Variants in CLSTN2 observed in about 807,000 individuals in gnomAD.
CLSTN2 encodes the protein calsyntenin 2, also known as calsyntenin-2.
CLSTN2 carries 48 observed loss-of-function variants against 101.2 expected under a neutral mutation model. The ratio of observed to expected loss-of-function variants is 0.47; its 90% CI spans 0.38 to 0.60. The LOEUF (loss-of-function observed/expected upper bound fraction) is 0.60. CLSTN2 is among the 20% of genes least tolerant of loss of function. The pLI is 0.00. For synonymous variants in CLSTN2, 481 were observed against 463.6 expected (o/e 1.04, Z -0.48); for missense variants, 1,160 against 1,238.2 (o/e 0.94, Z 0.95).
chr3:140,558,510 A>AT, intron 11 of CLSTN2, 130 bp from the exon 12 acceptor site: 1 of 641,124 alleles, frequency 1.6e-6, no homozygotes. Flanking sequence ...GTCTGTTGAC[A>AT]TCCTCAGAGA....
chr3:140,392,215 T>G (rs1460439885), intron 2 of CLSTN2, among the ~76,000 whole-genome samples: 1 of 150,772 alleles, frequency 6.6e-6, no homozygotes, highest in Non-Finnish European at 1.5e-5. Context: ...AGTAGCCACA[T>G]TTAAAAAAAA....
At chr3:140,370,598 C>A (rs2087841742) in intron 2 of CLSTN2, among the ~76,000 whole-genome samples, 1 of 152,046 alleles carries the variant, frequency 6.6e-6, no homozygotes, top group Non-Finnish European at 1.5e-5. Flanking sequence ...AGGAGATGAC[C>A]CCAGCACAAC....
chr3:140,324,255 A>G (rs995862108), intron 2 of CLSTN2, among the ~76,000 whole-genome samples: 1 of 152,244 alleles, frequency 6.6e-6, no homozygotes, highest in African/African-American at 2.4e-5. Flanking sequence ...AAAGCTGTCC[A>G]CTGTGGTCTA....
chr3:140,475,224 C>A (rs533421937), intron 8 of CLSTN2, among the ~76,000 whole-genome samples: 170 of 152,196 alleles, frequency 1.1e-3, no homozygotes, highest in African/African-American at 3.9e-3. Context: ...CACCAAGAGA[C>A]CACAGTGAAG....
chr3:140,541,089 C>T (rs1935466698), intron 9 of CLSTN2, among the ~76,000 whole-genome samples: 1 of 152,152 alleles, frequency 6.6e-6, no homozygotes, highest in Non-Finnish European at 1.5e-5. Flanking sequence ...TCAGTCCCAA[C>T]CCATCCCCCT....
At chr3:140,110,960 A>G (rs986811860) in intron 1 of CLSTN2, among the ~76,000 whole-genome samples, 2 of 152,212 alleles carry the variant, frequency 1.3e-5, no homozygotes, top group South Asian at 4.1e-4. Flanking sequence ...AACACAATCC[A>G]GATTGTAGCT....
chr3:140,347,734 C>A (rs564478764), intron 2 of CLSTN2, among the ~76,000 whole-genome samples: 1 of 152,182 alleles, frequency 6.6e-6, no homozygotes, highest in African/African-American at 2.4e-5. Context: ...CATCATAGAT[C>A]TACTACATAT....
At chr3:140,258,667 C>G (rs1038053524) in intron 2 of CLSTN2, among the ~76,000 whole-genome samples, 2 of 152,200 alleles carry the variant, frequency 1.3e-5, no homozygotes, top group South Asian at 2.1e-4. Context: ...CTTTTCCCCC[C>G]TCTTTTAATG....
chr3:140,536,888 T>TGGGAC (rs981944413), intron 9 of CLSTN2, among the ~76,000 whole-genome samples: 6 of 152,296 alleles, frequency 3.9e-5, no homozygotes, highest in Non-Finnish European at 8.8e-5. Flanking sequence ...GACCAAACCC[T>TGGGAC]GGGACACCAC....
chr3:140,340,251 G>A (rs766074190), intron 2 of CLSTN2, among the ~76,000 whole-genome samples: 6 of 152,192 alleles, frequency 3.9e-5, no homozygotes, highest in African/African-American at 1.4e-4. Flanking sequence ...AGTTTAAGAT[G>A]TTCTAATGTA....
intron 2 of CLSTN2, among the ~76,000 whole-genome samples, chr3:140,364,351 C>T (rs974992713): frequency 6.6e-6 from 1 of 152,130 alleles, no homozygotes; most frequent in Non-Finnish European, 1.5e-5. Context: ...GGTATCATTC[C>T]CTTCTAAGAA....
intron 2 of CLSTN2, among the ~76,000 whole-genome samples, chr3:140,268,646 C>T (rs963564387): frequency 6.6e-6 from 1 of 152,202 alleles, no homozygotes; most frequent in African/African-American, 2.4e-5. Context: ...GTTCCATTCT[C>T]CTTCCTGGCT....
intron 1 of CLSTN2, among the ~76,000 whole-genome samples, chr3:140,149,529 C>T (rs1385456598): frequency 1.3e-5 from 2 of 152,080 alleles, no homozygotes; most frequent in Non-Finnish European, 1.5e-5. Context: ...GATCTTGGCT[C>T]ACTGCAACCT....
At chr3:140,563,420 G>A (rs2107794803) in intron 15 of CLSTN2, among the ~76,000 whole-genome samples, 1 of 152,328 alleles carries the variant, frequency 6.6e-6, no homozygotes, top group Middle Eastern at 3.4e-3. Context: ...CATAATAGCA[G>A]AGGTCAGTAC....
At position 140,123,803 on chromosome 3, in the gene CLSTN2, C is replaced by CATAT. The variant is rs150523094; in HGVS notation, c.110-52134_110-52131dup. On this transcript the variant is annotated intron_variant, in intron 1 of 16. Coordinates refer to ENST00000458420, the MANE Select transcript of CLSTN2 (RefSeq NM_022131.3). The stretch of plus-strand genomic sequence containing the variant: ...TCACATGAGGGGAGAGAGATGGAGA[C>CATAT]ATATATATATATATATACACATATA... Among the ~76,000 whole-genome samples the CATAT allele has an allele frequency of 3.3e-3, 472 of 145,006 alleles. 3 individuals carry two copies. The highest frequency in any genetic ancestry group is 0.011 in the African/African-American group (416 of 39,464).
At chr3:140,338,740 G>C (rs368740769) in intron 2 of CLSTN2, among the ~76,000 whole-genome samples, 1 of 152,284 alleles carries the variant, frequency 6.6e-6, no homozygotes, top group East Asian at 1.9e-4. Context: ...GTGAGGCCTA[G>C]TGGAACACAC....
intron 1 of CLSTN2, among the ~76,000 whole-genome samples, chr3:139,992,174 G>A (rs1350905362): frequency 3.9e-5 from 6 of 152,222 alleles, no homozygotes; most frequent in Admixed American, 1.3e-4. Context: ...ACAGATGGAT[G>A]AGTGTGGAGA....
chr3:140,474,673 C>A (rs1286688360), intron 8 of CLSTN2, among the ~76,000 whole-genome samples: 1 of 152,172 alleles, frequency 6.6e-6, no homozygotes, highest in East Asian at 1.9e-4. Flanking sequence ...CTAGACCATA[C>A]CTGCCTTTCC....
intron 9 of CLSTN2, among the ~76,000 whole-genome samples, chr3:140,536,397 A>C (rs894600683): frequency 5.3e-5 from 8 of 152,088 alleles, no homozygotes; most frequent in Admixed American, 6.6e-5. Flanking sequence ...CCAACACTGT[A>C]GACAATCTGC....
Sources: gnomAD v4.1 joint callset for allele counts (sites outside exome capture counted in the v4.1 genomes callset) on GRCh38, gnomAD v4.1.1 for gene constraint, MANE v1.5 for transcripts, NCBI Gene and HGNC (gene_info 2026-07-23, HGNC 2026-07-21) for gene names.